Variants in OTOF observed in about 807,000 individuals in gnomAD.
The protein encoded by OTOF is fer-1-like family member 2.
Under a neutral mutation model 236.8 loss-of-function variants are expected in OTOF, and 218 were observed. The ratio of observed to expected loss-of-function variants is 0.92; its 90% confidence interval spans 0.82 to 1.03. OTOF has a LOEUF of 1.03. Among genes scored for constraint, OTOF ranks in the 50% least tolerant of loss-of-function variants. The probability of loss-of-function intolerance (pLI) is 0.00; values close to 1 mark genes in which losing one functional copy is unlikely to be tolerated. For synonymous variants in OTOF, 1,041 were observed against 1,072.5 expected (o/e 0.97, Z 0.57); for missense variants, 2,590 against 2,694.4 (o/e 0.96, Z 0.86).
Position 26,474,593 on chromosome 2 carries a change from G to C in OTOF, c.3208C>G (p.Pro1070Ala). Reference protein sequence around the residue: ...ADEAYCPPRFPPQLEYYQIYR... With the variant: ...ADEAYCPPRFAPQLEYYQIYR... ...ATCTGGTAGTACTCGAGCTGAGGTG[G>C]GAAGCGGGGTGGGCAGTACGCCTCG... is the stretch of plus-strand genomic sequence containing the variant. The change falls in exon 26 of 47, where the codon CCA becomes GCA. Residue 1070 changes from proline (P) to alanine (A), a missense_variant. By Grantham distance (27) the Pro-to-Ala change is conservative. Coordinates refer to ENST00000272371, the MANE Select transcript of OTOF (RefSeq NM_194248.3). 1 of 1,613,330 alleles carries C rather than the reference G, an allele frequency of 6.2e-7. No homozygotes were observed. Among genetic ancestry groups the C allele is most frequent in the Non-Finnish European group, 8.5e-7 (1 of 1,180,008 alleles).
In OTOF at chr2:26,503,798, G is replaced by A; in HGVS notation, c.557C>T (p.Ser186Phe). The change falls in exon 6 of 47, where the codon TCT becomes TTT. Residue 186 changes from serine to phenylalanine, a missense_variant. Physicochemically the swap from Ser to Phe is radical, Grantham distance 155. Transcript: ENST00000272371. Reference protein sequence around the residue: ...FSAMKLGKNRSHKEEPQRPDE... With the variant: ...FSAMKLGKNRFHKEEPQRPDE... ...TGGTCTTTGGGGCTCCTCCTTGTGA[G>A]ACCGGTTTTTGCCGAGCTTCATGGC... The A allele has an allele frequency of 6.2e-7, 1 of 1,614,100 alleles. No homozygotes were observed. Among genetic ancestry groups the A allele is most frequent in the Non-Finnish European group, 8.5e-7 (1 of 1,179,946 alleles).
rs539502513 is a variant in OTOF, at chr2:26,459,971, G to A, written c.*17+37C>T. On this transcript the variant is annotated intron_variant, in intron 46 of 46. Transcript: ENST00000272371. ...GTGTGTGTGTGCACGCGCCTGCCTAGCCCTTGGTCCAGAGGAAGAAGTAAG... is the reference window on the plus strand; with the variant it reads ...GTGTGTGTGTGCACGCGCCTGCCTAACCCTTGGTCCAGAGGAAGAAGTAAG... The A allele has an allele frequency of 2.4e-5, 37 of 1,547,644 alleles. No individual in the cohort carries two copies. The African/African-American group carries it at 4.8e-4, about 20-fold the overall frequency.
rs199766465 is a variant in OTOF at position 26,463,969 on chromosome 2, C to G, written c.5098G>C (p.Glu1700Gln). 167 of 1,613,754 alleles carry G rather than the reference C, an allele frequency of 1.0e-4. 1 individual carries two copies. In the East Asian group the frequency reaches 3.4e-3, roughly 33 times the overall value. Residue 1700 changes from glutamate (E) to glutamine (Q), a missense_variant, in exon 40 of 47, where the codon GAG becomes CAG. Transcript: ENST00000272371. ...PLLNPDKPGI[E>Q]QGRLELWVDM... ...CTTGGCCATGCAAGTGTCACCTGCT[C>G]GATGCCCGGCTTGTCGGGGTTGAGC...
At chr2:26,474,462 A>T in intron 26 of OTOF, 51 bp downstream of exon 26, 1 of 1,410,020 alleles carries the variant, frequency 7.1e-7, no homozygotes, top group Admixed American at 2.2e-5. Context: ...CTAGGCCCCA[A>T]CTCCCAGCCT....
chr2:26,461,798 T>A lies in OTOF; in HGVS notation c.5431A>T (p.Lys1811Ter), dbSNP rs1487432642. 1.9e-6 allele frequency: 3 copies of A among 1,614,098 alleles called. No homozygotes were observed. Among genetic ancestry groups the A allele is most frequent in the Non-Finnish European group, 2.5e-6 (3 of 1,180,010 alleles). The change falls in exon 43 of 47, where the codon AAG (lysine) becomes TAG (stop). Residue 1811 changes from lysine to a stop codon, truncating the protein, a stop_gained. Transcript: ENST00000272371. LOFTEE classifies it high-confidence loss of function. The surrounding 1 kb of genome is among the most constrained non-coding windows in gnomAD (Gnocchi z 6.2). ...TCGTCCCAGGAGAACATGGACTCCT[T>A]CTTGGAGATGACGATCTTCTCCTCC... ...AAEEKIVISKKESMFSWDETE... is the reference protein window; with the variant it reads ...AAEEKIVISK
At chr2:26,539,583 A>G (rs1312766231) in intron 1 of OTOF, among the ~76,000 whole-genome samples, 1 of 152,078 alleles carries the variant, frequency 6.6e-6, no homozygotes, top group Non-Finnish European at 1.5e-5. Context: ...TAAAAATACA[A>G]AAATAGCTGG....
rs1667108620 is a variant in OTOF at position 26,537,737 on chromosome 2, C to A, written c.117G>T (p.Glu39Asp). Residue 39 changes from glutamate (E) to aspartate (D), a missense_variant, in exon 2 of 47, where the codon GAG (glutamate) becomes GAT (aspartate). Transcript: ENST00000272371. ...CTACCTCATCAAAGTCAGCCACATC[C>A]TCACAGTTCTCCAGGACCCGAGAGT... ...SFYSRVLENC[E>D]DVADFDETFR... 6.4e-7 allele frequency: 1 copy of A among 1,555,410 alleles called. No homozygotes were observed. The highest frequency in any genetic ancestry group is 8.7e-7 in the Non-Finnish European group (1 of 1,148,680).
At chr2:26,543,473 G>A (rs1249073489) in intron 1 of OTOF, among the ~76,000 whole-genome samples, 3 of 152,194 alleles carry the variant, frequency 2.0e-5, no homozygotes, top group Non-Finnish European at 2.9e-5. Flanking sequence ...TTACAAGCAC[G>A]AGGGGGCATG....
intron 1 of OTOF, among the ~76,000 whole-genome samples, chr2:26,553,048 A>C (rs1439950288): frequency 6.6e-6 from 1 of 152,176 alleles, no homozygotes; most frequent in African/African-American, 2.4e-5. Context: ...TATCATCAAG[A>C]GGGAGGGCTC....
rs868738519 is a variant in OTOF, at chr2:26,483,554, T to C, written c.1300A>G (p.Thr434Ala). 1.2e-6 allele frequency: 2 copies of C among 1,613,914 alleles called. No homozygotes were observed. The highest frequency in any genetic ancestry group is 1.7e-5 in the Admixed American group (1 of 60,006). ...YRAEGLPRMN[T>A]SLMANVKKAF... ...TTCTTTACATTGGCCATGAGGCTTGTGTTCATACGGGGCAGCCCCTCTGCT... is the reference window on the plus strand; with the variant it reads ...TTCTTTACATTGGCCATGAGGCTTGCGTTCATACGGGGCAGCCCCTCTGCT... The change falls in exon 13 of 47, where the codon ACA (threonine) becomes GCA (alanine). Residue 434 changes from threonine (T) to alanine (A), a missense_variant. Physicochemically the swap from Thr to Ala is moderately conservative, Grantham distance 58 (BLOSUM62 0). Coordinates refer to ENST00000272371, the MANE Select transcript of OTOF (RefSeq NM_194248.3).
chr2:26,544,382 A>G (rs899256555), intron 1 of OTOF, among the ~76,000 whole-genome samples: 1 of 152,216 alleles, frequency 6.6e-6, no homozygotes, highest in Non-Finnish European at 1.5e-5. Context: ...GATTTCTAGC[A>G]CCAAAGATCA....
At chr2:26,478,130 C>A in intron 18 of OTOF, 1 of 1,045,604 alleles carries the variant, frequency 9.6e-7, no homozygotes, top group African/African-American at 1.6e-5. Flanking sequence ...ATGCTGGAGC[C>A]TGTGGCAGGG....
Position 26,462,204 on chromosome 2 carries a change from G to A in OTOF, c.5193-23C>T. ...TACCTGGGCCCAGGGAGAGAAGGCT[G>A]GTTAGCAGCCCCAGGTGGGGGTTAT... On this transcript the variant is annotated intron_variant, in intron 41 of 46. Transcript: ENST00000272371. The surrounding 1 kb of genome is among the most constrained non-coding windows in gnomAD (Gnocchi z 4.7). 1 of 1,603,204 alleles carries A rather than the reference G, an allele frequency of 6.2e-7. No individual in the cohort carries two copies. Among genetic ancestry groups the A allele is most frequent in the Non-Finnish European group, 8.5e-7 (1 of 1,170,186 alleles).
chr2:26,491,541 C>T (rs1240034165), intron 9 of OTOF, among the ~76,000 whole-genome samples: 1 of 152,082 alleles, frequency 6.6e-6, no homozygotes, highest in Non-Finnish European at 1.5e-5. Flanking sequence ...GGAAGAAAAA[C>T]AAAGACAGAG....
chr2:26,481,400 C>G (rs1170079382), intron 14 of OTOF, among the ~76,000 whole-genome samples: 1 of 152,196 alleles, frequency 6.6e-6, no homozygotes, highest in East Asian at 1.9e-4. Flanking sequence ...CCCTCCCCTC[C>G]TTGCTGAAGG....
intron 2 of OTOF, among the ~76,000 whole-genome samples, chr2:26,530,499 G>A (rs755515817): frequency 7.9e-5 from 12 of 152,124 alleles, no homozygotes; most frequent in Non-Finnish European, 1.3e-4. Flanking sequence ...GAGGCTTTCC[G>A]GGTGAGGGAG....
intron 8 of OTOF, among the ~76,000 whole-genome samples, chr2:26,501,170 G>A (rs1324346591): frequency 6.6e-6 from 1 of 152,126 alleles, no homozygotes; most frequent in Admixed American, 6.5e-5. Context: ...TGCACTGTTG[G>A]CCACATTCAC....
Position 26,473,324 on chromosome 2 carries a change from T to A in OTOF, c.3571-30A>T, listed in dbSNP as rs779178061. ...GGTGTTGGCGACAGGAGCCTGAGCC[T>A]CCAAGAAGGGGCAGAGGAAGCCGGC... On this transcript the variant is annotated intron_variant, in intron 28 of 46. Coordinates refer to ENST00000272371, the MANE Select transcript of OTOF (RefSeq NM_194248.3). This position sits in a 1 kb window ranked among gnomAD's most constrained non-coding sequence, Gnocchi z 7.2. The A allele has an allele frequency of 3.7e-6, 6 of 1,613,116 alleles. No homozygotes were observed. The South Asian group carries it at 6.6e-5, about 18-fold the overall frequency.
intron 10 of OTOF, 115 bp downstream of exon 10, chr2:26,489,563 A>C: frequency 1.1e-6 from 1 of 887,972 alleles, no homozygotes; most frequent in Non-Finnish European, 1.9e-6. Context: ...CCGTGTGTCC[A>C]GGCACGGCGC....
Sources: gnomAD v4.1 joint callset for allele counts (sites outside exome capture counted in the v4.1 genomes callset) on GRCh38, gnomAD v4.1.1 for gene constraint, Gnocchi (gnomAD v3.1) non-coding constraint, MANE v1.5 for transcripts, NCBI Gene and HGNC (gene_info 2026-07-23, HGNC 2026-07-21) for gene names.